Variants in ELF1 observed in about 807,000 individuals in gnomAD.
ELF1 encodes the protein E74 like ETS transcription factor 1.
A neutral mutation model predicts 59.9 loss-of-function variants in ELF1; 24 were observed. That is an observed-to-expected ratio of 0.40 (90% confidence interval 0.29 to 0.56). ELF1 has a LOEUF of 0.56. Ranked by LOEUF, ELF1 falls within the 20% of genes least tolerant of loss-of-function variation. The probability of loss-of-function intolerance (pLI) is 0.44; values close to 1 mark genes in which losing one functional copy is unlikely to be tolerated. For missense variants in ELF1, 627 were observed against 742.2 expected (o/e 0.84, Z 1.80); for synonymous variants, 248 against 266.2 (o/e 0.93, Z 0.67).
chr13:40,944,523 C>T (rs924142195), intron 5 of ELF1, among the ~76,000 whole-genome samples: 17 of 152,142 alleles, frequency 1.1e-4, no homozygotes, highest in Non-Finnish European at 1.0e-4. Context: ...TTTTTCTGTA[C>T]CTTTCAATTC....
At chr13:41,049,675 C>T (rs1356542962) in intron 1 of ELF1, among the ~76,000 whole-genome samples, 1 of 152,176 alleles carries the variant, frequency 6.6e-6, no homozygotes, top group Non-Finnish European at 1.5e-5. Flanking sequence ...TCCCTTTTCT[C>T]CCTTTCTCTT....
At chr13:41,020,611 T>C (rs1217958128), upstream of ELF1, among the ~76,000 whole-genome samples, 1 of 152,160 alleles carries the variant, frequency 6.6e-6, no homozygotes, top group East Asian at 1.9e-4. Context: ...AAAAATAATC[T>C]CCATGGTTTT....
chr13:40,956,487 T>C lies in ELF1; in HGVS notation c.253+2349A>G, dbSNP rs185420773. 5.7e-3 allele frequency among the ~76,000 whole-genome samples: 852 copies of C among 150,522 alleles called. 7 individuals are homozygous for C. The highest frequency in any genetic ancestry group is 0.014 in the South Asian group (65 of 4,742). On this transcript the variant is annotated intron_variant, in intron 3 of 8. Coordinates refer to ENST00000239882, the MANE Select transcript of ELF1 (RefSeq NM_172373.4). ...AAAACCAAAGACCTTTGTTCACTTA[T>C]CTGCACTTATCTGCTGACCTTCCCT...
At chr13:41,051,610 T>A (rs1453360599) in intron 1 of ELF1, among the ~76,000 whole-genome samples, 4 of 152,070 alleles carry the variant, frequency 2.6e-5, no homozygotes, top group African/African-American at 9.7e-5. Flanking sequence ...TATCAACACA[T>A]TCTAAATCAG....
chr13:40,956,535 C>A (rs1871444835), intron 3 of ELF1, among the ~76,000 whole-genome samples: 1 of 141,216 alleles, frequency 7.1e-6, no homozygotes, highest in African/African-American at 2.8e-5. Context: ...TGTGACCCTG[C>A]CAAATCCCCC....
chr13:40,940,410 A>C (rs1407355196), intron 8 of ELF1, among the ~76,000 whole-genome samples: 3 of 149,146 alleles, frequency 2.0e-5, no homozygotes, highest in South Asian at 2.1e-4. Context: ...AAAAAAAAAA[A>C]AAAAAAAACA....
In ELF1 at chr13:40,950,047, GT is replaced by G; in HGVS notation, c.362-75del. ...TAAAAAACGATTGAGAAAATTTCTT[GT>G]TTCTATTATGACTAGAAGATTAAAG... On this transcript the variant is annotated intron_variant, in intron 4 of 8. Transcript: ENST00000239882. The G allele has an allele frequency of 3.1e-6, 4 of 1,294,830 alleles. No individual in the cohort carries two copies. The South Asian group carries it at 6.5e-5, about 21-fold the overall frequency. 80.2% of individuals were successfully genotyped at this position (1,294,830 alleles called of 1,614,324 possible). A position where few individuals can be genotyped will look rare whatever the true frequency, so the allele number is the denominator to read the frequency against.
chr13:40,962,463 A>G (rs9594467), intron 2 of ELF1, among the ~76,000 whole-genome samples: 28,274 of 151,682 alleles, frequency 0.19, 2,827 homozygotes, highest in African/African-American at 0.24. Context: ...TGGGTGGATC[A>G]CTTGAGGTCA....
At chr13:41,019,192 A>C (rs1875587340) in intron 1 of ELF1, 36 bp downstream of exon 1, 1 of 985,316 alleles carries the variant, frequency 1.0e-6, no homozygotes, top group Admixed American at 6.1e-5. Flanking sequence ...CTCAAGAAAA[A>C]GCCAGAAGCA....
At chr13:40,939,738 T>C (rs1455500140) in intron 8 of ELF1, among the ~76,000 whole-genome samples, 1 of 152,198 alleles carries the variant, frequency 6.6e-6, no homozygotes, top group Non-Finnish European at 1.5e-5. Flanking sequence ...GCATTGTGGA[T>C]CTCAGATTTT....
intron 1 of ELF1, among the ~76,000 whole-genome samples, chr13:41,033,428 C>A (rs1389049112): frequency 6.6e-6 from 1 of 152,144 alleles, no homozygotes; most frequent in African/African-American, 2.4e-5. Flanking sequence ...GAACAAGCTG[C>A]AGTACATCCA....
intron 1 of ELF1, among the ~76,000 whole-genome samples, chr13:41,054,719 G>A (rs1280240053): frequency 6.6e-6 from 1 of 152,174 alleles, no homozygotes; most frequent in Non-Finnish European, 1.5e-5. Context: ...ATTATTATTG[G>A]ACTGCGGGAA....
chr13:41,034,532 A>G (rs1876295475), intron 1 of ELF1, among the ~76,000 whole-genome samples: 1 of 152,214 alleles, frequency 6.6e-6, no homozygotes, highest in South Asian at 2.1e-4. Context: ...ATAATTCCAT[A>G]AAGTAAAAAT....
At chr13:40,981,456 C>T (rs1253795970) in intron 2 of ELF1, among the ~76,000 whole-genome samples, 1 of 152,044 alleles carries the variant, frequency 6.6e-6, no homozygotes, top group Non-Finnish European at 1.5e-5. Flanking sequence ...TATAAATTCA[C>T]TGAAAGCCGA....
At chr13:41,007,417 ATATTAT>A (rs886203601) in intron 1 of ELF1, among the ~76,000 whole-genome samples, 8 of 152,208 alleles carry the variant, frequency 5.3e-5, no homozygotes, top group East Asian at 1.9e-4. Context: ...CACATTCCAC[ATATTAT>A]TATTAAGTAT....
intron 2 of ELF1, among the ~76,000 whole-genome samples, chr13:40,968,718 A>ATTTTTTTTTTTT (rs1872338533): frequency 6.7e-6 from 1 of 148,432 alleles, no homozygotes; most frequent in African/African-American, 2.5e-5. Flanking sequence ...CACTTTCTAT[A>ATTTTTTTTTTTT]TTCTTTTTTT....
chr13:40,938,758 C>G (rs929641171), intron 8 of ELF1, among the ~76,000 whole-genome samples: 1 of 151,754 alleles, frequency 6.6e-6, no homozygotes, highest in Admixed American at 6.6e-5. Context: ...TCCATCTTCT[C>G]TCAACCACAG....
intron 1 of ELF1, among the ~76,000 whole-genome samples, chr13:41,037,206 C>T (rs984529640): frequency 3.9e-5 from 6 of 152,122 alleles, no homozygotes; most frequent in Non-Finnish European, 4.4e-5. Context: ...GTGTCATATA[C>T]AATGTGCTAA....
chr13:41,041,306 G>A (rs1876600999), intron 1 of ELF1, among the ~76,000 whole-genome samples: 1 of 147,490 alleles, frequency 6.8e-6, no homozygotes, highest in Non-Finnish European at 1.5e-5. Context: ...AACTGTATAA[G>A]CAGACGACAT....
Sources: allele counts gnomAD v4.1 joint callset (sites outside exome capture counted in the v4.1 genomes callset), GRCh38; gene constraint gnomAD v4.1.1; transcripts MANE v1.5; gene names NCBI Gene and HGNC (gene_info 2026-07-23, HGNC 2026-07-21).